SLF1: variants seen among roughly 807,000 people sequenced by gnomAD.
SLF1 encodes the protein SMC5/6 complex localization factor 1, also known as SMC5-SMC6 complex localization factor protein 1.
In SLF1, 105 loss-of-function variants were observed where a neutral mutation model predicts 123.0. That is an observed-to-expected ratio of 0.85 (90% CI 0.73 to 1.00). SLF1 has a LOEUF of 1.00. SLF1 is among the 50% of genes least tolerant of loss of function. The probability of loss-of-function intolerance (pLI) is 0.00; values close to 1 mark genes in which losing one functional copy is unlikely to be tolerated. For missense variants in SLF1, 1,239 were observed against 1,223.0 expected (o/e 1.01, Z -0.20); for synonymous variants, 434 against 406.6 (o/e 1.07, Z -0.81).
At chr5:94,665,615 G>C (rs187762804) in intron 11 of SLF1, among the ~76,000 whole-genome samples, 144 of 152,226 alleles carry the variant, frequency 9.5e-4, no homozygotes, top group African/African-American at 3.0e-3. Flanking sequence ...CAGGCATGGT[G>C]GTGGGTGCCT....
intron 15 of SLF1, among the ~76,000 whole-genome samples, chr5:94,683,715 G>A (rs1401104704): frequency 6.6e-6 from 1 of 152,326 alleles, no homozygotes; most frequent in South Asian, 2.1e-4. Context: ...AGGGTTAAGG[G>A]AGTTTGTGTA....
At chr5:94,635,655 A>G (rs1258266578) in intron 4 of SLF1, among the ~76,000 whole-genome samples, 1 of 151,846 alleles carries the variant, frequency 6.6e-6, no homozygotes, top group Non-Finnish European at 1.5e-5. Flanking sequence ...TTCTTAGACT[A>G]TGTCAAACTG....
chr5:94,677,892 T>G (rs1254587421), intron 14 of SLF1, among the ~76,000 whole-genome samples: 1 of 151,930 alleles, frequency 6.6e-6, no homozygotes, highest in Non-Finnish European at 1.5e-5. Flanking sequence ...TTAATGATGT[T>G]TATTATAAAA....
chr5:94,663,847 T>C lies in SLF1; in HGVS notation c.1307T>C (p.Leu436Ser), dbSNP rs940757135. 1 of 1,550,960 alleles carries C rather than the reference T, an allele frequency of 6.4e-7. No individual in the cohort carries two copies. The highest frequency in any genetic ancestry group is 1.4e-5 in the African/African-American group (1 of 73,036). ...FKEAIEELSTLQAHYIPPVCV... is the reference protein window; with the variant it reads ...FKEAIEELSTSQAHYIPPVCV... ...GAAGCAATTGAGGAACTTTCCACTT[T>C]GCAGGCACATTATATCCCTCCTGTA... The change falls in exon 11 of 21, where the codon TTG becomes TCG. Residue 436 changes from leucine (L) to serine (S), a missense_variant. Physicochemically the swap from Leu to Ser is moderately radical, Grantham distance 145. Coordinates refer to ENST00000265140, the MANE Select transcript of SLF1 (RefSeq NM_032290.4).
intron 9 of SLF1, among the ~76,000 whole-genome samples, chr5:94,659,919 C>T (rs779380879): frequency 7.2e-5 from 11 of 152,034 alleles, no homozygotes; most frequent in African/African-American, 2.4e-4. Flanking sequence ...GGCCAATCCT[C>T]GGGCCCCCAA....
intron 7 of SLF1, among the ~76,000 whole-genome samples, chr5:94,652,868 AT>A (rs1222213155): frequency 1.3e-5 from 2 of 151,720 alleles, no homozygotes; most frequent in African/African-American, 4.8e-5. Flanking sequence ...TTTTATTTCT[AT>A]TTTTTGAGAT....
intron 12 of SLF1, 142 bp downstream of exon 12, chr5:94,666,166 G>A: frequency 1.3e-6 from 1 of 784,806 alleles, no homozygotes; most frequent in Non-Finnish European, 1.8e-6. Context: ...TGTATTTATT[G>A]CAAAACTTAT....
chr5:94,680,736 T>C (rs867408183), intron 15 of SLF1, among the ~76,000 whole-genome samples: 2 of 152,232 alleles, frequency 1.3e-5, no homozygotes, highest in Non-Finnish European at 2.9e-5. Context: ...CTACCTGTTA[T>C]ACATTTGCTT....
intron 8 of SLF1, among the ~76,000 whole-genome samples, chr5:94,653,871 G>A (rs141015159): frequency 6.8e-6 from 1 of 146,622 alleles, no homozygotes; most frequent in Non-Finnish European, 1.5e-5. Flanking sequence ...TTTTTTTAAC[G>A]ATCTAAACCA....
At chr5:94,642,794 G>A (rs1227577537) in intron 4 of SLF1, among the ~76,000 whole-genome samples, 1 of 151,846 alleles carries the variant, frequency 6.6e-6, no homozygotes, top group Non-Finnish European at 1.5e-5. Context: ...TTTGTAAAAT[G>A]TATTTCTTAA....
chr5:94,659,458 C>T (rs1358933333), intron 9 of SLF1, among the ~76,000 whole-genome samples: 2 of 152,142 alleles, frequency 1.3e-5, no homozygotes, highest in Admixed American at 1.3e-4. Flanking sequence ...GTGTAACAGT[C>T]ACTTCAAATT....
chr5:94,645,001 A>G (rs1254844398), intron 5 of SLF1, among the ~76,000 whole-genome samples: 2 of 152,134 alleles, frequency 1.3e-5, no homozygotes, highest in Non-Finnish European at 2.9e-5. Context: ...ACCTTTCCCT[A>G]ATGAGTAGCA....
intron 1 of SLF1, among the ~76,000 whole-genome samples, chr5:94,628,440 C>T (rs1255615208): frequency 1.3e-5 from 2 of 152,212 alleles, no homozygotes; most frequent in Non-Finnish European, 2.9e-5. Context: ...CCCAGCCCAA[C>T]AATACTTTTT....
intron 5 of SLF1, among the ~76,000 whole-genome samples, chr5:94,646,934 T>C (rs1438300990): frequency 2.0e-5 from 3 of 152,182 alleles, no homozygotes; most frequent in African/African-American, 7.2e-5. Context: ...ACATGCTTAG[T>C]CATATTTAAA....
intron 15 of SLF1, among the ~76,000 whole-genome samples, chr5:94,686,173 A>G (rs935027858): frequency 6.6e-6 from 1 of 152,188 alleles, no homozygotes; most frequent in Non-Finnish European, 1.5e-5. Flanking sequence ...AAATACTTGT[A>G]TGTTCATTTA....
At chr5:94,664,012 G>GT (rs199873196) in intron 11 of SLF1, 104 bp downstream of exon 11, 7,308 of 1,134,328 alleles carry the variant, frequency 6.4e-3, no homozygotes, top group South Asian at 9.5e-3. Flanking sequence ...CCTGTTCAGT[G>GT]TTTTTTTTTC....
rs1358045691 is a variant in SLF1, at chr5:94,670,919, A to G, written c.1738A>G (p.Ser580Gly). The change falls in exon 14 of 21, where the codon AGT (serine) becomes GGT (glycine). Residue 580 changes from serine (S) to glycine (G), a missense_variant. Ser to Gly is a moderately conservative substitution (Grantham distance 56). Transcript: ENST00000265140. ...AMLLEIFWSG[S>G]ETSGLLTKPV... ...GCTTCTTGAAATTTTTTGGTCAGGA[A>G]GTGAAACCTCTGGGCTTTTGACCAA... 1 of 1,550,188 alleles carries G rather than the reference A, an allele frequency of 6.5e-7. No individual in the cohort carries two copies.
rs1753561056 is a variant in SLF1 at position 94,697,330 on chromosome 5, T to C, written c.*2018T>C. 6.6e-6 allele frequency: 1 copy of C among 151,900 alleles called. No homozygotes were observed. The allele number at this position is 151,900 out of a possible 1,614,324, so 9.4% of individuals were successfully genotyped here. ...TCATTCCCAAAATTACTTCTTATAC[T>C]TTATTTTAGAAAACATAATAATAAT... is the stretch of plus-strand genomic sequence containing the variant. On this transcript the variant is annotated 3_prime_UTR_variant, in exon 21 of 21. Coordinates refer to ENST00000265140, the MANE Select transcript of SLF1 (RefSeq NM_032290.4).
chr5:94,677,766 C>G (rs1751254865), intron 14 of SLF1, among the ~76,000 whole-genome samples: 2 of 152,014 alleles, frequency 1.3e-5, no homozygotes, highest in African/African-American at 2.4e-5. Context: ...TTTCACACTT[C>G]TTCATCTTCA....
Sources: allele counts gnomAD v4.1 joint callset (sites outside exome capture counted in the v4.1 genomes callset), GRCh38; gene constraint gnomAD v4.1.1; transcripts MANE v1.5; gene names NCBI Gene and HGNC (gene_info 2026-07-23, HGNC 2026-07-21).